FMNL2: variants seen among roughly 807,000 people sequenced by gnomAD.
The protein encoded by FMNL2 is formin like 2, also known as formin-like protein 2.
FMNL2 carries 51 observed loss-of-function variants against 130.2 expected under a neutral mutation model. The observed-to-expected ratio is 0.39, with a 90% CI of 0.31 to 0.49. The LOEUF (loss-of-function observed/expected upper bound fraction) is 0.49, where lower values mean the gene tolerates loss of function less well. Among genes scored for constraint, FMNL2 ranks in the 20% least tolerant of loss-of-function variants. The pLI is 0.85. For missense variants in FMNL2, 977 were observed against 1,316.2 expected (o/e 0.74, Z 3.99); for synonymous variants, 465 against 467.1 (o/e 1.00, Z 0.06).
intron 1 of FMNL2, among the ~76,000 whole-genome samples, chr2:152,337,888 G>A (rs1197400028): frequency 1.3e-5 from 2 of 152,160 alleles, no homozygotes; most frequent in East Asian, 1.9e-4. Context: ...TCCTAGGGAC[G>A]CATTTGGACC....
intron 2 of FMNL2, among the ~76,000 whole-genome samples, chr2:152,542,469 G>A (rs917354881): frequency 6.6e-6 from 1 of 152,182 alleles, no homozygotes; most frequent in Non-Finnish European, 1.5e-5. Context: ...CTGGAGTTGA[G>A]CAGATGTGGG....
intron 1 of FMNL2, among the ~76,000 whole-genome samples, chr2:152,412,599 G>A (rs928493667): frequency 6.7e-6 from 1 of 149,474 alleles, no homozygotes; most frequent in African/African-American, 2.5e-5. Context: ...TTTAGCCCAG[G>A]CATTGAAGAC....
At chr2:152,611,974 G>A (rs1370830364) in intron 11 of FMNL2, among the ~76,000 whole-genome samples, 3 of 152,126 alleles carry the variant, frequency 2.0e-5, no homozygotes, top group Admixed American at 6.5e-5. Flanking sequence ...CATCTGGGCA[G>A]AGAAAGTCAA....
intron 23 of FMNL2, 97 bp downstream of exon 23, chr2:152,637,771 T>C (rs1682749075): frequency 9.5e-7 from 1 of 1,051,862 alleles, no homozygotes; most frequent in Non-Finnish European, 1.4e-6. Context: ...TCCCAGTTCC[T>C]GTGGACAGCA....
At chr2:152,573,125 A>G (rs1196119866) in intron 6 of FMNL2, among the ~76,000 whole-genome samples, 1 of 152,234 alleles carries the variant, frequency 6.6e-6, no homozygotes, top group Non-Finnish European at 1.5e-5. Flanking sequence ...CACTTTCCTA[A>G]TAAGTGTCAT....
At chr2:152,480,657 A>G (rs866551266) in intron 1 of FMNL2, among the ~76,000 whole-genome samples, 4 of 149,124 alleles carry the variant, frequency 2.7e-5, no homozygotes, top group African/African-American at 1.0e-4. Flanking sequence ...AAAAAAAAAA[A>G]AAAAGTGAAA....
intron 4 of FMNL2, among the ~76,000 whole-genome samples, chr2:152,557,989 TA>T (rs1474651967): frequency 6.6e-6 from 1 of 152,166 alleles, no homozygotes; most frequent in African/African-American, 2.4e-5. Context: ...TCCATCTCCC[TA>T]AAGATTCTGT....
Position 152,338,820 on chromosome 2 carries a change from T to TACACACAC in FMNL2, c.117+3126_117+3133dup, listed in dbSNP as rs58367779. Among the ~76,000 whole-genome samples the TACACACAC allele has an allele frequency of 3.2e-3, 475 of 148,956 alleles. 4 individuals carry two copies. Among genetic ancestry groups the TACACACAC allele is most frequent in the South Asian group, 5.2e-3 (24 of 4,646 alleles). On this transcript the variant is annotated intron_variant, in intron 1 of 25. Transcript: ENST00000288670. ...TTTCAGGTACAGCTGGAAGGTGAGA[T>TACACACAC]ACACACACACACACACACACACACA...
chr2:152,355,261 A>T (rs923375344), intron 1 of FMNL2, among the ~76,000 whole-genome samples: 1 of 152,224 alleles, frequency 6.6e-6, no homozygotes, highest in Non-Finnish European at 1.5e-5. Flanking sequence ...ACCTAACAGC[A>T]TCACAAACAT....
chr2:152,476,158 C>G (rs919429927), intron 1 of FMNL2, among the ~76,000 whole-genome samples: 3 of 152,176 alleles, frequency 2.0e-5, no homozygotes, highest in African/African-American at 7.2e-5. Flanking sequence ...TGGATGATGT[C>G]AGCAGTGTGG....
chr2:152,381,592 T>G (rs935751545), intron 1 of FMNL2, among the ~76,000 whole-genome samples: 8 of 152,330 alleles, frequency 5.3e-5, no homozygotes, highest in Admixed American at 2.6e-4. Flanking sequence ...AGTCACAGTC[T>G]TTATTCTGAA....
intron 1 of FMNL2, among the ~76,000 whole-genome samples, chr2:152,502,954 G>A (rs990468204): frequency 1.3e-5 from 2 of 152,122 alleles, no homozygotes; most frequent in Admixed American, 6.5e-5. Flanking sequence ...ATGTTCCCTG[G>A]GCAGTGTTGA....
At chr2:152,634,194 A>G (rs1375430067) in intron 21 of FMNL2, among the ~76,000 whole-genome samples, 1 of 152,190 alleles carries the variant, frequency 6.6e-6, no homozygotes, top group African/African-American at 2.4e-5. Flanking sequence ...GCACTTTGGG[A>G]GGCTGAGGCG....
chr2:152,462,251 A>G (rs1306637319), intron 1 of FMNL2, among the ~76,000 whole-genome samples: 1 of 152,220 alleles, frequency 6.6e-6, no homozygotes, highest in East Asian at 1.9e-4. Context: ...GAGTAGCTAC[A>G]TAGGGCTAGT....
intron 1 of FMNL2, among the ~76,000 whole-genome samples, chr2:152,361,740 C>T (rs956343309): frequency 6.6e-6 from 1 of 152,032 alleles, no homozygotes; most frequent in African/African-American, 2.4e-5. Flanking sequence ...CCCCACCATC[C>T]GCAAACTAGA....
At chr2:152,526,554 T>G (rs1693396440) in intron 2 of FMNL2, among the ~76,000 whole-genome samples, 1 of 152,168 alleles carries the variant, frequency 6.6e-6, no homozygotes, top group African/African-American at 2.4e-5. Flanking sequence ...TCTCCTCCCT[T>G]CCTTCTATCC....
At chr2:152,522,905 A>T (rs1693172807) in intron 2 of FMNL2, among the ~76,000 whole-genome samples, 1 of 152,192 alleles carries the variant, frequency 6.6e-6, no homozygotes, top group Non-Finnish European at 1.5e-5. Context: ...TCAGCTATAG[A>T]TTTCCAGTCT....
intron 1 of FMNL2, among the ~76,000 whole-genome samples, chr2:152,520,595 C>CAAA (rs35601593): frequency 1.8e-3 from 229 of 130,394 alleles, no homozygotes; most frequent in South Asian, 6.0e-3. Flanking sequence ...AACCCCATCT[C>CAAA]AAAAAAAAAA....
chr2:152,407,396 G>A (rs1686044267), intron 1 of FMNL2, among the ~76,000 whole-genome samples: 1 of 151,842 alleles, frequency 6.6e-6, no homozygotes, highest in Non-Finnish European at 1.5e-5. Context: ...TGGGCGATGC[G>A]GTGTGTCAGT....
Sources: gnomAD v4.1 joint callset for allele counts (sites outside exome capture counted in the v4.1 genomes callset) on GRCh38, gnomAD v4.1.1 for gene constraint, MANE v1.5 for transcripts, NCBI Gene and HGNC (gene_info 2026-07-23, HGNC 2026-07-21) for gene names.